Variants in FILIP1L observed in about 807,000 individuals in gnomAD.
The protein encoded by FILIP1L is filamin A-interacting protein 1-like.
Under a neutral mutation model 96.6 loss-of-function variants are expected in FILIP1L, and 55 were observed. The ratio of observed to expected loss-of-function variants is 0.57; its 90% CI spans 0.46 to 0.71. The LOEUF (loss-of-function observed/expected upper bound fraction) is 0.71. Ranked by LOEUF, FILIP1L falls within the 30% of genes least tolerant of loss-of-function variation. The probability of loss-of-function intolerance (pLI) is 0.00; values close to 1 mark genes in which losing one functional copy is unlikely to be tolerated. For missense variants in FILIP1L, 1,304 were observed against 1,321.2 expected, an observed-to-expected ratio of 0.99 and a Z score of 0.20; for synonymous variants, 467 against 473.9, an observed-to-expected ratio of 0.99 and a Z score of 0.19.
intron 1 of FILIP1L, among the ~76,000 whole-genome samples, chr3:99,935,265 C>CAAAA (rs34961153): frequency 4.2e-5 from 6 of 143,934 alleles, no homozygotes; most frequent in African/African-American, 1.5e-4. Flanking sequence ...TTCAGGGTAC[C>CAAAA]AAAAAAAAAA....
At chr3:99,962,081 A>G (rs1009106894) in intron 1 of FILIP1L, among the ~76,000 whole-genome samples, 2 of 152,182 alleles carry the variant, frequency 1.3e-5, no homozygotes, top group African/African-American at 4.8e-5. Context: ...GAAGAGTACT[A>G]TGAGTTACCC....
chr3:99,999,034 C>T (rs1271373780), intron 1 of FILIP1L, among the ~76,000 whole-genome samples: 4 of 152,210 alleles, frequency 2.6e-5, no homozygotes, highest in Admixed American at 1.3e-4. Flanking sequence ...TCTGTGAAGC[C>T]TTCCGTGCCT....
At chr3:99,918,599 A>G (rs1400225524) in intron 4 of FILIP1L, among the ~76,000 whole-genome samples, 2 of 152,174 alleles carry the variant, frequency 1.3e-5, no homozygotes, top group African/African-American at 2.4e-5. Flanking sequence ...AAGGCATTGT[A>G]TGGAAACCGC....
At chr3:100,041,339 C>T (rs1032854379) in intron 1 of FILIP1L, 3 of 152,140 alleles carry the variant, frequency 2.0e-5, no homozygotes, top group African/African-American at 7.2e-5. Context: ...AAGCTGTAAG[C>T]ACTTGAAGAT....
At chr3:99,948,002 G>A (rs1425285653) in intron 1 of FILIP1L, among the ~76,000 whole-genome samples, 3 of 152,152 alleles carry the variant, frequency 2.0e-5, no homozygotes, top group Non-Finnish European at 4.4e-5. Context: ...AAAATTAAAA[G>A]CAGAGCTGTG....
At position 99,924,269 on chromosome 3, in the gene FILIP1L, C is replaced by T. The variant is rs546265920; in HGVS notation, c.566G>A (p.Ser189Asn). ...TTCTAGTAGGCATATGAATTCATCA[C>T]TCTTCTCCATGTATTCTTTATGTTT... ...KRKHKEYMEK[S>N]DEFICLLEQE... Residue 189 changes from serine (S) to asparagine (N), a missense_variant, in exon 4 of 6, where the codon AGT becomes AAT. Transcript: ENST00000477258. The T allele has an allele frequency of 1.2e-6, 2 of 1,614,032 alleles. No homozygotes were observed. The highest frequency in any genetic ancestry group is 1.7e-5 in the Admixed American group (1 of 60,016).
chr3:100,112,442 A>C (rs1398622096), intron 1 of FILIP1L, among the ~76,000 whole-genome samples: 2 of 152,198 alleles, frequency 1.3e-5, no homozygotes, highest in Non-Finnish European at 1.5e-5. Context: ...TGGCACAATA[A>C]AATATCTTCA....
At chr3:100,091,238 T>C (rs1334319149) in intron 1 of FILIP1L, among the ~76,000 whole-genome samples, 1 of 150,750 alleles carries the variant, frequency 6.6e-6, no homozygotes, top group Non-Finnish European at 1.5e-5. Flanking sequence ...TGAGCCGAGA[T>C]TGCGCCACTG....
At chr3:100,013,979 C>G (rs1028164112) in intron 1 of FILIP1L, among the ~76,000 whole-genome samples, 1 of 152,086 alleles carries the variant, frequency 6.6e-6, no homozygotes, top group Admixed American at 6.6e-5. Context: ...CGCCCCCTTC[C>G]CACTGCCCCT....
chr3:100,093,289 C>A (rs2066144852), intron 1 of FILIP1L, among the ~76,000 whole-genome samples: 1 of 151,512 alleles, frequency 6.6e-6, no homozygotes, highest in African/African-American at 2.4e-5. Context: ...TTTTAGTTAC[C>A]AAAACAATGT....
At chr3:100,077,737 C>T (rs1005983082) in intron 1 of FILIP1L, among the ~76,000 whole-genome samples, 1 of 152,104 alleles carries the variant, frequency 6.6e-6, no homozygotes, top group African/African-American at 2.4e-5. Flanking sequence ...TGGCAAGACC[C>T]TGTCTCTACA....
intron 1 of FILIP1L, among the ~76,000 whole-genome samples, chr3:99,988,367 G>T (rs1443676545): frequency 3.6e-5 from 5 of 139,574 alleles, no homozygotes; most frequent in Admixed American, 3.6e-4. Context: ...AAAAAAATTA[G>T]CCAGGCATGG....
rs9844851 is a variant in FILIP1L at position 100,087,495 on chromosome 3, G to A, written c.-11+26558C>T. 8.9e-3 allele frequency among the ~76,000 whole-genome samples: 1,359 copies of A among 152,224 alleles called. 20 individuals are homozygous for A. The highest frequency in any genetic ancestry group is 0.017 in the Middle Eastern group (5 of 294). On this transcript the variant is annotated intron_variant, in intron 1 of 5. Transcript: ENST00000477258. ...TTTCCACAATGACTAATGGTGTTGA[G>A]CATCTTTTCATAGACCTATTTTTCA... is the stretch of plus-strand genomic sequence containing the variant.
intron 1 of FILIP1L, among the ~76,000 whole-genome samples, chr3:100,001,618 T>A (rs1013796724): frequency 1.3e-5 from 2 of 152,188 alleles, no homozygotes; most frequent in Non-Finnish European, 2.9e-5. Context: ...GGAGACATGT[T>A]CCATCTAGTT....
chr3:99,945,050 AATC>A (rs552627816), intron 1 of FILIP1L, among the ~76,000 whole-genome samples: 37 of 152,266 alleles, frequency 2.4e-4, no homozygotes, highest in African/African-American at 7.9e-4. Context: ...TTAAGTCAAA[AATC>A]ATCAAGAATC....
chr3:100,080,543 A>G (rs1243040605), intron 1 of FILIP1L, among the ~76,000 whole-genome samples: 3 of 152,140 alleles, frequency 2.0e-5, no homozygotes, highest in African/African-American at 7.2e-5. Flanking sequence ...TGATCTGTGG[A>G]CCACATTTTG....
intron 1 of FILIP1L, among the ~76,000 whole-genome samples, chr3:99,955,238 G>A (rs1708288121): frequency 6.6e-6 from 1 of 152,162 alleles, no homozygotes; most frequent in Non-Finnish European, 1.5e-5. Context: ...AAAGTGGCAT[G>A]CTCACACAGA....
Position 100,015,049 on chromosome 3 carries a change from T to C in FILIP1L, c.-10-84019A>G, listed in dbSNP as rs573967086. Among the ~76,000 whole-genome samples, 3 of 151,992 alleles carry C rather than the reference T, an allele frequency of 2.0e-5. No homozygotes were observed. The South Asian group carries it at 6.2e-4, about 32-fold the overall frequency. ...AGGTTTTACATTTAAGGCTTTAATCTATCTTGAGTTGAATTTTGTGTATTG... is the reference window on the plus strand; with the variant it reads ...AGGTTTTACATTTAAGGCTTTAATCCATCTTGAGTTGAATTTTGTGTATTG... On this transcript the variant is annotated intron_variant, in intron 1 of 5. Coordinates refer to ENST00000477258, the MANE Select transcript of FILIP1L (RefSeq NM_001387850.1).
chr3:100,021,538 G>A (rs529401517), intron 1 of FILIP1L, among the ~76,000 whole-genome samples: 1 of 152,304 alleles, frequency 6.6e-6, no homozygotes, highest in Non-Finnish European at 1.5e-5. Context: ...AAAGAACAGA[G>A]TCAAGAAAGG....
Sources: gnomAD v4.1 joint callset for allele counts (sites outside exome capture counted in the v4.1 genomes callset) on GRCh38, gnomAD v4.1.1 for gene constraint, MANE v1.5 for transcripts, NCBI Gene and HGNC (gene_info 2026-07-23, HGNC 2026-07-21) for gene names.